SGCD: variants seen among roughly 807,000 people sequenced by gnomAD.
SGCD encodes the protein delta-sarcoglycan.
Under a neutral mutation model 36.6 loss-of-function variants are expected in SGCD, and 18 were observed. The ratio of observed to expected loss-of-function variants is 0.49; its 90% confidence interval spans 0.34 to 0.73. The LOEUF is 0.73. Ranked by LOEUF, SGCD falls within the 30% of genes least tolerant of loss-of-function variation. The probability of loss-of-function intolerance (pLI) is 0.01; values close to 1 mark genes in which losing one functional copy is unlikely to be tolerated. For missense variants in SGCD, 387 were observed against 346.7 expected (o/e 1.12, Z -0.92); for synonymous variants, 133 against 130.6 (o/e 1.02, Z -0.12).
chr5:155,774,309 C>T, the SGCD span, among the ~76,000 whole-genome samples: 38 of 152,132 alleles, frequency 2.5e-4, no homozygotes, highest in African/African-American at 8.4e-4. Flanking sequence ...GGAGCTCTGC[C>T]GGGGTACTTT....
chr5:156,522,897 T>G lies in SGCD; in HGVS notation c.294+14195T>G, dbSNP rs1269563323. On this transcript the variant is annotated intron_variant, in intron 4 of 8. Coordinates refer to ENST00000337851, the MANE Select transcript of SGCD (RefSeq NM_000337.6). ...CAATATTTATCAAAGTTGAGAAATATCTGTACACTTTTTGAAACCCTAAGC... is the reference window on the plus strand; with the variant it reads ...CAATATTTATCAAAGTTGAGAAATAGCTGTACACTTTTTGAAACCCTAAGC... 2.6e-5 allele frequency among the ~76,000 whole-genome samples: 4 copies of G among 152,120 alleles called. No individual in the cohort carries two copies. The East Asian group carries it at 7.7e-4, about 29-fold the overall frequency.
At chr5:156,161,674 G>T (rs983437047) in intron 3 of SGCD, among the ~76,000 whole-genome samples, 3 of 151,846 alleles carry the variant, frequency 2.0e-5, no homozygotes, top group African/African-American at 7.3e-5. Flanking sequence ...AACAAGAAAT[G>T]AGTGATACAG....
chr5:156,075,966 T>C (rs1760773188), intron 1 of SGCD, among the ~76,000 whole-genome samples: 1 of 152,160 alleles, frequency 6.6e-6, no homozygotes, highest in Middle Eastern at 3.2e-3. Context: ...TAAACTAATC[T>C]TTTTTATTAC....
At chr5:155,833,232 A>C in the SGCD span, among the ~76,000 whole-genome samples, 2 of 152,102 alleles carry the variant, frequency 1.3e-5, no homozygotes, top group Non-Finnish European at 2.9e-5. Flanking sequence ...TCTCAAAAAA[A>C]AAAAGTCAGA....
At chr5:156,747,669 G>C (rs537303961) in intron 7 of SGCD, among the ~76,000 whole-genome samples, 1 of 152,070 alleles carries the variant, frequency 6.6e-6, no homozygotes, top group African/African-American at 2.4e-5. Context: ...TGGAAGCCAC[G>C]GTCTTTTTAC....
intron 6 of SGCD, among the ~76,000 whole-genome samples, chr5:156,600,536 A>G (rs1761150198): frequency 1.3e-5 from 2 of 152,192 alleles, no homozygotes; most frequent in Admixed American, 6.5e-5. Flanking sequence ...TTGTGTACAC[A>G]TAACACATTT....
chr5:156,704,395 T>G (rs1754656895), intron 7 of SGCD: 1 of 152,162 alleles, frequency 6.6e-6, no homozygotes, highest in African/African-American at 2.4e-5. Context: ...GGGAGTCTAG[T>G]GCTTAGATTT....
At chr5:155,851,903 T>A in the SGCD span, among the ~76,000 whole-genome samples, 1 of 152,220 alleles carries the variant, frequency 6.6e-6, no homozygotes, top group Admixed American at 6.5e-5. Flanking sequence ...CAGTATTGGA[T>A]ATACTCTGTT....
At chr5:156,087,391 C>A (rs1400061334) in intron 1 of SGCD, among the ~76,000 whole-genome samples, 1 of 152,090 alleles carries the variant, frequency 6.6e-6, no homozygotes, top group Non-Finnish European at 1.5e-5. Context: ...GTAATCCCAG[C>A]ACTTTGGGAG....
intron 7 of SGCD, among the ~76,000 whole-genome samples, chr5:156,649,746 G>C (rs1269472149): frequency 6.6e-6 from 1 of 151,938 alleles, no homozygotes; most frequent in African/African-American, 2.4e-5. Flanking sequence ...AGCATTAGGA[G>C]ATATACCTAA....
intron 4 of SGCD, among the ~76,000 whole-genome samples, chr5:156,537,190 C>T (rs1758150895): frequency 6.6e-6 from 1 of 152,070 alleles, no homozygotes. Flanking sequence ...CCAGTAGTCC[C>T]CTTGGGGAGG....
chr5:156,268,564 C>CTCCTTCCT (rs57057008), intron 3 of SGCD, among the ~76,000 whole-genome samples: 2,456 of 149,568 alleles, frequency 0.016, 41 homozygotes, highest in East Asian at 0.027. Context: ...TTTTGATTTG[C>CTCCTTCCT]TCCTTCCTTC....
the SGCD span, among the ~76,000 whole-genome samples, chr5:155,789,010 A>G: frequency 5.9e-5 from 9 of 152,154 alleles, no homozygotes; most frequent in Non-Finnish European, 1.2e-4. Context: ...CTATAAAGGG[A>G]GATAAACTTT....
chr5:155,849,091 C>T, the SGCD span, among the ~76,000 whole-genome samples: 1 of 151,982 alleles, frequency 6.6e-6, no homozygotes, highest in Non-Finnish European at 1.5e-5. Flanking sequence ...CATAAGGAAC[C>T]AAATTACCTG....
chr5:155,847,489 G>A, the SGCD span, among the ~76,000 whole-genome samples: 3 of 152,180 alleles, frequency 2.0e-5, no homozygotes, highest in Admixed American at 6.6e-5. Context: ...ATCAAGAGTT[G>A]AGTTCTATTT....
chr5:156,336,716 A>T (rs1211371572), intron 2 of SGCD, among the ~76,000 whole-genome samples: 1 of 152,246 alleles, frequency 6.6e-6, no homozygotes, highest in Admixed American at 6.5e-5. Context: ...AGGATAAAAA[A>T]TAAGCTGATA....
the SGCD span, among the ~76,000 whole-genome samples, chr5:155,794,578 G>A: frequency 0.014 from 2,150 of 151,992 alleles, 41 homozygotes; most frequent in African/African-American, 0.043. Flanking sequence ...GAATACAGCC[G>A]TAGATGGGAG....
chr5:155,909,989 C>A (rs1756598387), intron 1 of SGCD, among the ~76,000 whole-genome samples: 1 of 151,948 alleles, frequency 6.6e-6, no homozygotes, highest in Admixed American at 6.6e-5. Flanking sequence ...TAATGGAAGG[C>A]TGATGATATC....
chr5:156,577,463 G>A (rs1242326119), intron 4 of SGCD, among the ~76,000 whole-genome samples: 1 of 152,160 alleles, frequency 6.6e-6, no homozygotes, highest in Non-Finnish European at 1.5e-5. Flanking sequence ...AAAGTCATTG[G>A]TATCTTGATG....
Sources: allele counts gnomAD v4.1 joint callset (sites outside exome capture counted in the v4.1 genomes callset), GRCh38; gene constraint gnomAD v4.1.1; transcripts MANE v1.5; gene names NCBI Gene and HGNC (gene_info 2026-07-23, HGNC 2026-07-21).